Variants in PELI2 observed in about 807,000 individuals in gnomAD.
The protein encoded by PELI2 is E3 ubiquitin-protein ligase pellino homolog 2.
Under a neutral mutation model 42.3 loss-of-function variants are expected in PELI2, and 23 were observed. The observed-to-expected ratio is 0.54, with a 90% CI of 0.39 to 0.77. PELI2 has a LOEUF of 0.77. Among genes scored for constraint, PELI2 ranks in the 30% least tolerant of loss-of-function variants. The pLI is 0.00. For synonymous variants in PELI2, 245 were observed against 212.2 expected (o/e 1.15, Z -1.34); for missense variants, 463 against 553.2 (o/e 0.84, Z 1.64).
intron 2 of PELI2, among the ~76,000 whole-genome samples, chr14:56,259,244 A>G (rs1888632707): frequency 6.6e-6 from 1 of 152,164 alleles, no homozygotes; most frequent in African/African-American, 2.4e-5. Context: ...CAGAAGGAGA[A>G]AACAACAGAT....
chr14:56,175,880 C>T (rs1398730040), intron 1 of PELI2, among the ~76,000 whole-genome samples: 1 of 152,158 alleles, frequency 6.6e-6, no homozygotes, highest in African/African-American at 2.4e-5. Context: ...ATCCTCTTTC[C>T]ATTGCTTTTT....
intron 2 of PELI2, among the ~76,000 whole-genome samples, chr14:56,223,615 A>G (rs1887232627): frequency 6.6e-6 from 1 of 152,210 alleles, no homozygotes; most frequent in Non-Finnish European, 1.5e-5. Context: ...TAATTGTAAA[A>G]GAGCCTGTTT....
intron 2 of PELI2, among the ~76,000 whole-genome samples, chr14:56,226,952 C>G (rs1887378749): frequency 6.6e-6 from 1 of 152,144 alleles, no homozygotes; most frequent in African/African-American, 2.4e-5. Flanking sequence ...AAATACTCAC[C>G]ACAGTGTTTC....
intron 1 of PELI2, among the ~76,000 whole-genome samples, chr14:56,151,283 GC>G (rs1884341704): frequency 6.6e-6 from 1 of 152,070 alleles, no homozygotes; most frequent in African/African-American, 2.4e-5. Context: ...TTTACTTCTA[GC>G]CAGTGCATTG....
At chr14:56,243,950 C>T (rs1888065377) in intron 2 of PELI2, among the ~76,000 whole-genome samples, 2 of 152,110 alleles carry the variant, frequency 1.3e-5, no homozygotes, top group Non-Finnish European at 2.9e-5. Context: ...ATTTATTTGT[C>T]CGTGGTCTCC....
rs1886163354 is a variant in PELI2 at position 56,197,302 on chromosome 14, G to A, written c.207+18838G>A. On this transcript the variant is annotated intron_variant, in intron 2 of 5. Coordinates refer to ENST00000267460, the MANE Select transcript of PELI2 (RefSeq NM_021255.3). The surrounding 1 kb of genome is among the most constrained non-coding windows in gnomAD (Gnocchi z 4.9). Reference sequence around the variant, plus strand: ...GATGAGTTATGAAGGCATACATAGAGTTTAGTCTTGCAAACAGAGAGGGGC... The same window carrying A: ...GATGAGTTATGAAGGCATACATAGAATTTAGTCTTGCAAACAGAGAGGGGC... Among the ~76,000 whole-genome samples, 1 of 152,172 alleles carries A rather than the reference G, an allele frequency of 6.6e-6. No individual in the cohort carries two copies. Among genetic ancestry groups the A allele is most frequent in the Non-Finnish European group, 1.5e-5 (1 of 68,036 alleles).
intron 2 of PELI2, among the ~76,000 whole-genome samples, chr14:56,203,281 A>G (rs1246712730): frequency 6.6e-6 from 1 of 152,192 alleles, no homozygotes; most frequent in Non-Finnish European, 1.5e-5. Flanking sequence ...TGGAGGTTGC[A>G]GTGAGCCAAA....
chr14:56,196,607 A>G (rs539498213), intron 2 of PELI2, among the ~76,000 whole-genome samples: 44 of 152,346 alleles, frequency 2.9e-4, no homozygotes, highest in African/African-American at 1.0e-3. Context: ...TATACTGCCC[A>G]TTTGAAAAAT....
chr14:56,166,956 T>A (rs1884986345), intron 1 of PELI2, among the ~76,000 whole-genome samples: 1 of 152,008 alleles, frequency 6.6e-6, no homozygotes. Context: ...CCTGACTATT[T>A]TTTGTGTGTT....
chr14:56,278,161 T>C (rs892698711), intron 2 of PELI2, among the ~76,000 whole-genome samples: 11 of 152,302 alleles, frequency 7.2e-5, no homozygotes, highest in African/African-American at 2.6e-4. Flanking sequence ...TGATTGTTAG[T>C]TTTATAAGTT....
intron 1 of PELI2, among the ~76,000 whole-genome samples, chr14:56,135,826 T>C (rs1002062038): frequency 6.6e-6 from 1 of 152,348 alleles, no homozygotes; most frequent in East Asian, 1.9e-4. Flanking sequence ...ACTGGAATGC[T>C]TCAGAAGAGG....
At chr14:56,193,697 T>C (rs1434106137) in intron 2 of PELI2, among the ~76,000 whole-genome samples, 1 of 152,220 alleles carries the variant, frequency 6.6e-6, no homozygotes, top group Non-Finnish European at 1.5e-5. Context: ...TAATGACCAA[T>C]ATTTTAAAAT....
chr14:56,226,396 G>A lies in PELI2; in HGVS notation c.207+47932G>A, dbSNP rs540046607. On this transcript the variant is annotated intron_variant, in intron 2 of 5. Coordinates refer to ENST00000267460, the MANE Select transcript of PELI2 (RefSeq NM_021255.3). ...TATTCCTTGCTGCCAGGCAAACCTT[G>A]CTTCCTGGATTATTTGGAGGCAGAG... 2.6e-5 allele frequency among the ~76,000 whole-genome samples: 4 copies of A among 152,258 alleles called. No homozygotes were observed. In the East Asian group the frequency reaches 7.7e-4, roughly 29 times the overall value.
chr14:56,297,067 T>C lies in PELI2; in HGVS notation c.1164T>C (p.His388=). ...ACTGGTCTCAGATCCCGTTGCCTCATGGAACTCATGCATTTCACGCTGCTT... is the reference window on the plus strand; with the variant it reads ...ACTGGTCTCAGATCCCGTTGCCTCACGGAACTCATGCATTTCACGCTGCTT... The part of the protein sequence containing the change: ...AKYWSQIPLP[H]GTHAFHAACP... The change falls in exon 6 of 6, where the codon CAT becomes CAC. Residue 388 remains histidine, a synonymous_variant. Transcript: ENST00000267460. 1 of 1,612,922 alleles carries C rather than the reference T, an allele frequency of 6.2e-7. No homozygotes were observed. The highest frequency in any genetic ancestry group is 8.5e-7 in the Non-Finnish European group (1 of 1,179,944).
chr14:56,125,332 A>C (rs1280252616), intron 1 of PELI2, among the ~76,000 whole-genome samples: 1 of 151,432 alleles, frequency 6.6e-6, no homozygotes, highest in African/African-American at 2.4e-5. Context: ...TGAGCAAGCA[A>C]AGGAGTAGAT....
intron 1 of PELI2, among the ~76,000 whole-genome samples, chr14:56,140,402 T>A (rs1883863129): frequency 6.6e-6 from 1 of 152,248 alleles, no homozygotes; most frequent in African/African-American, 2.4e-5. Flanking sequence ...TCTTCAAAAG[T>A]AGTCAAAGCA....
chr14:56,288,470 G>A lies in PELI2; in HGVS notation c.343G>A (p.Val115Ile), dbSNP rs749637091. ...ATCAACAGAAAGCCCTATCGACTTCGTTGTCACAGACACGATTTCTGGCAG... is the reference window on the plus strand; with the variant it reads ...ATCAACAGAAAGCCCTATCGACTTCATTGTCACAGACACGATTTCTGGCAG... The part of the protein sequence containing the change: ...GRSTESPIDF[V>I]VTDTISGSQN... Residue 115 changes from valine to isoleucine, a missense_variant, in exon 4 of 6, where the codon GTT (valine) becomes ATT (isoleucine). Physicochemically the swap from Val to Ile is conservative, Grantham distance 29. Transcript: ENST00000267460. This position sits in a 1 kb window ranked among gnomAD's most constrained non-coding sequence, Gnocchi z 4.6. 2.6e-5 allele frequency: 42 copies of A among 1,613,850 alleles called. No homozygotes were observed. The highest frequency in any genetic ancestry group is 8.3e-5 in the Admixed American group (5 of 59,992).
At chr14:56,185,078 T>G (rs1017420085) in intron 2 of PELI2, among the ~76,000 whole-genome samples, 2 of 152,108 alleles carry the variant, frequency 1.3e-5, no homozygotes, top group South Asian at 2.1e-4. Flanking sequence ...AAAGGCTGGT[T>G]GTTAAATAAT....
intron 5 of PELI2, among the ~76,000 whole-genome samples, chr14:56,293,379 C>T (rs1003583922): frequency 6.6e-6 from 1 of 152,166 alleles, no homozygotes; most frequent in Non-Finnish European, 1.5e-5. Context: ...AATCAGGCCA[C>T]CAGGTTCAAG....
Sources: allele counts gnomAD v4.1 joint callset (sites outside exome capture counted in the v4.1 genomes callset), GRCh38; gene constraint gnomAD v4.1.1; non-coding constraint Gnocchi (gnomAD v3.1); transcripts MANE v1.5; gene names NCBI Gene and HGNC (gene_info 2026-07-23, HGNC 2026-07-21).